The following OBP2B variants were observed in gnomAD, a reference collection of about 807,000 sequenced individuals.
The protein encoded by OBP2B is odorant binding protein 2B, also known as odorant-binding protein 2b.
Under a neutral mutation model 21.7 loss-of-function variants are expected in OBP2B, and 10 were observed. The observed-to-expected ratio is 0.46, with a 90% confidence interval of 0.28 to 0.78. The LOEUF (loss-of-function observed/expected upper bound fraction) is 0.78, where lower values mean the gene tolerates loss of function less well. Among genes scored for constraint, OBP2B ranks in the 30% least tolerant of loss-of-function variants. The probability of loss-of-function intolerance (pLI) is 0.11; values close to 1 mark genes in which losing one functional copy is unlikely to be tolerated. For missense variants in OBP2B, 153 were observed against 217.7 expected (o/e 0.70, Z 1.87); for synonymous variants, 73 against 91.5 (o/e 0.80, Z 1.16).
At chr9:133,212,178 T>C (rs1833922607), upstream of OBP2B, among the ~76,000 whole-genome samples, 1 of 152,220 alleles carries the variant, frequency 6.6e-6, no homozygotes, top group African/African-American at 2.4e-5. Context: ...AAACATTAGC[T>C]GCACAATATG....
upstream of OBP2B, chr9:133,209,346 A>G (rs1833861431): frequency 5.2e-6 from 4 of 772,016 alleles, no homozygotes; most frequent in Admixed American, 9.3e-5. This position sits in a 1 kb window ranked among gnomAD's most constrained non-coding sequence, Gnocchi z 6.0. Flanking sequence ...GGTGGCAACC[A>G]GTCCTGCATC....
chr9:133,210,120 T>C (rs781939062), upstream of OBP2B, among the ~76,000 whole-genome samples: 34 of 151,898 alleles, frequency 2.2e-4, no homozygotes, highest in Non-Finnish European at 4.7e-4. Flanking sequence ...GTGCTCAGAG[T>C]TCGTGGCTGA....
the OBP2B span, among the ~76,000 whole-genome samples, chr9:133,217,067 G>C: frequency 1.8e-4 from 27 of 151,892 alleles, no homozygotes; most frequent in Non-Finnish European, 3.2e-4. Context: ...CCAGCAGAAG[G>C]GTTCAATTGT....
At chr9:133,219,956 G>A in the OBP2B span, among the ~76,000 whole-genome samples, 808 of 152,242 alleles carry the variant, frequency 5.3e-3, 6 homozygotes, top group African/African-American at 0.018. Context: ...AGAAAATACC[G>A]ACCCATGCTA....
At chr9:133,206,192 C>A (rs368754670) in intron 5 of OBP2B, 123 bp downstream of exon 5, 7 of 1,233,122 alleles carry the variant, frequency 5.7e-6, no homozygotes, top group South Asian at 3.8e-5. Flanking sequence ...GGAGCCCCTG[C>A]GAGGAGACTC....
upstream of OBP2B, among the ~76,000 whole-genome samples, chr9:133,212,656 C>G (rs782373828): frequency 6.6e-6 from 1 of 152,194 alleles, no homozygotes. Flanking sequence ...ATCAGCTGGG[C>G]GTGGTGGCTT....
At chr9:133,205,480 C>T in intron 6 of OBP2B, 69 bp from the exon 7 acceptor site, 2 of 992,724 alleles carry the variant, frequency 2.0e-6, no homozygotes, top group Non-Finnish European at 2.9e-6. Context: ...CCAGAGCTCC[C>T]TCCCCAGGCT....
rs1833719428 is a variant in OBP2B at position 133,206,514 on chromosome 9, A to G, written c.389-98T>C. ...GAGACGACCACGGCCCAGCACCAGG[A>G]CAGGGGGAGAGGCCTGAGAGTGGAT... On this transcript the variant is annotated intron_variant, in intron 4 of 6. Coordinates refer to ENST00000372034, the MANE Select transcript of OBP2B (RefSeq NM_014581.4). The G allele has an allele frequency of 3.3e-6, 5 of 1,502,792 alleles. No individual in the cohort carries two copies. The East Asian group carries it at 1.2e-4, about 35-fold the overall frequency. 93.1% of individuals were successfully genotyped at this position (1,502,792 alleles called of 1,614,324 possible).
chr9:133,212,180 C>T (rs782567994), upstream of OBP2B, among the ~76,000 whole-genome samples: 14 of 152,134 alleles, frequency 9.2e-5, no homozygotes, highest in Non-Finnish European at 1.8e-4. Flanking sequence ...ACATTAGCTG[C>T]ACAATATGTG....
At chr9:133,205,670 G>T (rs1195252904) in intron 6 of OBP2B, 1 of 620,764 alleles carries the variant, frequency 1.6e-6, no homozygotes, top group African/African-American at 1.8e-5. Flanking sequence ...CCGGAGGGAG[G>T]CCTCGCTGTG....
chr9:133,218,068 G>A, the OBP2B span, among the ~76,000 whole-genome samples: 2 of 152,216 alleles, frequency 1.3e-5, no homozygotes, highest in African/African-American at 2.4e-5. Flanking sequence ...GTCAGGACAA[G>A]GGGTTATTTG....
At chr9:133,210,428 G>T (rs1455298631), upstream of OBP2B, among the ~76,000 whole-genome samples, 1 of 152,084 alleles carries the variant, frequency 6.6e-6, no homozygotes, top group Admixed American at 6.6e-5. Context: ...CCCACGGCAA[G>T]TGCTGCCGAG....
At chr9:133,215,539 G>A in the OBP2B span, among the ~76,000 whole-genome samples, 1 of 151,738 alleles carries the variant, frequency 6.6e-6, no homozygotes, top group African/African-American at 2.4e-5. Context: ...TTTTTTTAGA[G>A]ACAGAGTCTT....
chr9:133,207,484 G>T lies in OBP2B; in HGVS notation c.278-148C>A, dbSNP rs1345513943. On this transcript the variant is annotated intron_variant, in intron 3 of 6. Coordinates refer to ENST00000372034, the MANE Select transcript of OBP2B (RefSeq NM_014581.4). ...CTCCGCACAGTGTGGACCCGGACACGGAGGCAGGAGCCTCCTCTCAGGAAG... is the reference window on the plus strand; with the variant it reads ...CTCCGCACAGTGTGGACCCGGACACTGAGGCAGGAGCCTCCTCTCAGGAAG... 7 of 611,562 alleles carry T rather than the reference G, an allele frequency of 1.1e-5. No homozygotes were observed. In the East Asian group the frequency reaches 2.0e-4, roughly 17 times the overall value. 37.9% of individuals were successfully genotyped at this position (611,562 alleles called of 1,614,324 possible). A position where few individuals can be genotyped will look rare whatever the true frequency, so the allele number is the denominator to read the frequency against.
At chr9:133,218,166 C>T in the OBP2B span, among the ~76,000 whole-genome samples, 5 of 152,178 alleles carry the variant, frequency 3.3e-5, no homozygotes, top group African/African-American at 1.2e-4. Flanking sequence ...GCCATGAGCT[C>T]GTCAGCTGGA....
Position 133,207,653 on chromosome 9 carries a change from A to G in OBP2B, c.278-317T>C, listed in dbSNP as rs1181916157. On this transcript the variant is annotated intron_variant, in intron 3 of 6. Transcript: ENST00000372034. ...CTCAGCCTCCCCATCTCTAATCCTC[A>G]GCTTCCGCAGCACTAACCCTCGGCC... is the stretch of plus-strand genomic sequence containing the variant. 1.3e-5 allele frequency among the ~76,000 whole-genome samples: 2 copies of G among 151,460 alleles called. 1 individual carries two copies.
intron 4 of OBP2B, 27 bp from the exon 5 acceptor site, chr9:133,206,443 G>A (rs782686573): frequency 1.7e-5 from 28 of 1,611,108 alleles, no homozygotes; most frequent in South Asian, 3.3e-5. Flanking sequence ...CAGGTGAGCC[G>A]ACGTGGGGAC....
chr9:133,219,850 A>T, the OBP2B span, among the ~76,000 whole-genome samples: 1 of 152,208 alleles, frequency 6.6e-6, no homozygotes, highest in African/African-American at 2.4e-5. Flanking sequence ...ACATTACAAA[A>T]CCCAAGAAGT....
Position 133,208,133 on chromosome 9 carries a change from A to G in OBP2B, c.277T>C (p.Tyr93His). The part of the protein sequence containing the change: ...KTEEPGKYSA[Y>H]GGRKLMYLQE... ...GGGTGGGAGTGGGGGAGGGGCTCAC[A>G]GGCGCTGTATTTGCCAGGCTCCTCC... The change falls in exon 3 of 7, where the codon TAT becomes CAT. Residue 93 changes from tyrosine (Y) to histidine (H), a missense_variant and splice_region_variant. Transcript: ENST00000372034. 2 of 1,610,330 alleles carry G rather than the reference A, an allele frequency of 1.2e-6. No homozygotes were observed. The highest frequency in any genetic ancestry group is 1.7e-6 in the Non-Finnish European group (2 of 1,179,310).
Sources: allele counts gnomAD v4.1 joint callset (sites outside exome capture counted in the v4.1 genomes callset), GRCh38; gene constraint gnomAD v4.1.1; non-coding constraint Gnocchi (gnomAD v3.1); transcripts MANE v1.5; gene names NCBI Gene and HGNC (gene_info 2026-07-23, HGNC 2026-07-21).